The following UGGT2 variants were observed in gnomAD, a reference collection of about 807,000 sequenced individuals.
UGGT2 encodes UDP-glucose glycoprotein glucosyltransferase 2.
Under a neutral mutation model 192.1 loss-of-function variants are expected in UGGT2, and 180 were observed. That is an observed-to-expected ratio of 0.94 (90% CI 0.83 to 1.06). UGGT2 has a LOEUF of 1.06. UGGT2 is among the 50% of genes least tolerant of loss of function. The pLI is 0.00. For missense variants in UGGT2, 1,849 were observed against 1,795.7 expected, an observed-to-expected ratio of 1.03 and a Z score of -0.54; for synonymous variants, 580 against 591.0, an observed-to-expected ratio of 0.98 and a Z score of 0.27.
intron 20 of UGGT2, among the ~76,000 whole-genome samples, chr13:95,916,079 T>G (rs1308226910): frequency 6.6e-6 from 1 of 152,190 alleles, no homozygotes; most frequent in Non-Finnish European, 1.5e-5. Flanking sequence ...AGCAGGTCCC[T>G]GATCCCATTC....
intron 37 of UGGT2, among the ~76,000 whole-genome samples, chr13:95,835,405 C>A (rs1280642950): frequency 1.3e-5 from 2 of 152,174 alleles, no homozygotes; most frequent in African/African-American, 4.8e-5. Flanking sequence ...ACTGTATGAG[C>A]CACAACAGAA....
At chr13:95,894,485 AC>A (rs2047890567) in intron 24 of UGGT2, 76 bp downstream of exon 24, 6 of 1,188,002 alleles carry the variant, frequency 5.1e-6, no homozygotes, top group Non-Finnish European at 7.3e-6. Context: ...CTTAAATTTT[AC>A]CATGTTATGA....
chr13:95,972,063 G>T (rs1300285539), intron 11 of UGGT2, among the ~76,000 whole-genome samples: 1 of 151,894 alleles, frequency 6.6e-6, no homozygotes, highest in Non-Finnish European at 1.5e-5. Flanking sequence ...AATTTTGGGT[G>T]AGTGACCATT....
intron 20 of UGGT2, among the ~76,000 whole-genome samples, chr13:95,919,324 C>T (rs1223143417): frequency 6.6e-6 from 1 of 152,190 alleles, no homozygotes; most frequent in Non-Finnish European, 1.5e-5. Flanking sequence ...AGGATGCCCT[C>T]TCTCACCACT....
intron 36 of UGGT2, among the ~76,000 whole-genome samples, chr13:95,849,307 C>G (rs980124588): frequency 2.0e-5 from 3 of 152,062 alleles, no homozygotes; most frequent in Admixed American, 6.5e-5. Flanking sequence ...GAGGCCAAGG[C>G]AGGCAGATCA....
intron 34 of UGGT2, among the ~76,000 whole-genome samples, chr13:95,854,775 G>C (rs1889417472): frequency 6.6e-6 from 1 of 151,972 alleles, no homozygotes; most frequent in African/African-American, 2.4e-5. Context: ...TTTGGGGAAG[G>C]GGTTAAATAT....
intron 10 of UGGT2, among the ~76,000 whole-genome samples, chr13:95,982,295 G>A (rs1023528586): frequency 6.6e-6 from 1 of 152,174 alleles, no homozygotes; most frequent in South Asian, 2.1e-4. Flanking sequence ...AAATCGAGCT[G>A]CAGACACAGG....
At chr13:95,961,924 A>G (rs1484945214) in intron 12 of UGGT2, among the ~76,000 whole-genome samples, 2 of 152,316 alleles carry the variant, frequency 1.3e-5, no homozygotes, top group East Asian at 3.9e-4. Context: ...CTACAAATCA[A>G]TAACAAGAGA....
At chr13:96,048,520 C>G (rs1304851872) in intron 1 of UGGT2, among the ~76,000 whole-genome samples, 1 of 151,790 alleles carries the variant, frequency 6.6e-6, no homozygotes. Context: ...ACAAGAAAAC[C>G]ATTCAAAAAA....
chr13:95,903,613 CAAT>C (rs57266174), intron 20 of UGGT2, among the ~76,000 whole-genome samples: 55,242 of 151,840 alleles, frequency 0.36, 10,325 homozygotes, highest in Middle Eastern at 0.42. Flanking sequence ...TTTCCCCACT[CAAT>C]AATGTGAGAT....
chr13:95,913,169 T>C (rs1056072006), intron 20 of UGGT2, among the ~76,000 whole-genome samples: 7 of 152,194 alleles, frequency 4.6e-5, no homozygotes, highest in East Asian at 1.9e-4. Context: ...ATTTAGGACA[T>C]AGGCATGGTC....
Position 95,837,216 on chromosome 13 carries a change from T to A in UGGT2, c.4285-14A>T. On this transcript the variant is annotated splice_polypyrimidine_tract_variant and intron_variant, in intron 36 of 38. Coordinates refer to ENST00000376747, the MANE Select transcript of UGGT2 (RefSeq NM_020121.4). Reference sequence around the variant, plus strand: ...ATTGGGGAGATCCTACAGAAAATTGTGATTTAATCATAGACGTATGAAATT... The same window carrying A: ...ATTGGGGAGATCCTACAGAAAATTGAGATTTAATCATAGACGTATGAAATT... 6.4e-7 allele frequency: 1 copy of A among 1,572,848 alleles called. No homozygotes were observed. Among genetic ancestry groups the A allele is most frequent in the Non-Finnish European group, 8.8e-7 (1 of 1,142,520 alleles).
intron 36 of UGGT2, among the ~76,000 whole-genome samples, chr13:95,844,027 C>T (rs1403338660): frequency 6.6e-6 from 1 of 151,886 alleles, no homozygotes. Flanking sequence ...ATGGCATGAT[C>T]TCGGCTCACT....
At chr13:95,963,598 T>C (rs1363143591) in intron 12 of UGGT2, among the ~76,000 whole-genome samples, 1 of 152,300 alleles carries the variant, frequency 6.6e-6, no homozygotes, top group East Asian at 1.9e-4. Context: ...GAAGTTAAAC[T>C]GTCCCTCTTT....
intron 1 of UGGT2, among the ~76,000 whole-genome samples, chr13:96,049,727 C>G (rs1376265550): frequency 6.6e-6 from 1 of 152,110 alleles, no homozygotes; most frequent in Non-Finnish European, 1.5e-5. Context: ...CTCCCATTCA[C>G]AATTGCTTCA....
chr13:96,029,565 C>T (rs1250919670), intron 2 of UGGT2, among the ~76,000 whole-genome samples: 4 of 152,110 alleles, frequency 2.6e-5, no homozygotes, highest in Admixed American at 6.5e-5. Context: ...GGATTACAGG[C>T]ATGAGCCACT....
chr13:95,935,483 T>G (rs907517814), intron 17 of UGGT2, among the ~76,000 whole-genome samples: 7 of 152,252 alleles, frequency 4.6e-5, no homozygotes, highest in Non-Finnish European at 8.8e-5. Context: ...TTAGGAATGC[T>G]GAAAATAGAC....
intron 3 of UGGT2, 82 bp downstream of exon 3, chr13:96,023,547 C>T (rs1055536564): frequency 1.0e-5 from 14 of 1,396,946 alleles, no homozygotes; most frequent in Non-Finnish European, 1.3e-5. Flanking sequence ...TCATTTTGAA[C>T]TAAAGATGTT....
At chr13:95,959,441 T>C (rs1035383433) in intron 12 of UGGT2, among the ~76,000 whole-genome samples, 7 of 152,138 alleles carry the variant, frequency 4.6e-5, no homozygotes, top group Non-Finnish European at 5.9e-5. Context: ...CCACCAACCA[T>C]AGCCAGAGCC....
Sources: allele counts gnomAD v4.1 joint callset (sites outside exome capture counted in the v4.1 genomes callset), GRCh38; gene constraint gnomAD v4.1.1; transcripts MANE v1.5; gene names NCBI Gene and HGNC (gene_info 2026-07-23, HGNC 2026-07-21).